The following DIP2B variants were observed in gnomAD, a reference collection of about 807,000 sequenced individuals.
DIP2B encodes the protein DIP2 acetate--CoA ligase B (putative).
In DIP2B, 76 loss-of-function variants were observed where a neutral mutation model predicts 198.0. The ratio of observed to expected loss-of-function variants is 0.38; its 90% CI spans 0.32 to 0.46. The LOEUF is 0.46. Among genes scored for constraint, DIP2B ranks in the 20% least tolerant of loss-of-function variants. The pLI, the probability that DIP2B is intolerant of heterozygous loss-of-function variation, is 0.99. For synonymous variants in DIP2B, 701 were observed against 739.1 expected (o/e 0.95, Z 0.84); for missense variants, 1,559 against 1,978.4 (o/e 0.79, Z 4.02).
chr12:50,594,461 G>A (rs562477998), intron 1 of DIP2B, among the ~76,000 whole-genome samples: 1 of 152,210 alleles, frequency 6.6e-6, no homozygotes, highest in Admixed American at 6.5e-5. Flanking sequence ...TATTGATGAG[G>A]CCTTTACAAG....
At chr12:50,620,541 A>T (rs965126595) in intron 1 of DIP2B, among the ~76,000 whole-genome samples, 10 of 152,154 alleles carry the variant, frequency 6.6e-5, no homozygotes, top group Non-Finnish European at 1.5e-4. Context: ...ACAAGGCTCT[A>T]TGCCTGCCTC....
At chr12:50,729,598 AG>A (rs1286805376) in intron 30 of DIP2B, among the ~76,000 whole-genome samples, 6 of 152,294 alleles carry the variant, frequency 3.9e-5, no homozygotes, top group Admixed American at 3.3e-4. Context: ...GAGACATGAT[AG>A]GAACTCTGTT....
In DIP2B at chr12:50,621,815, G is replaced by C. The variant is rs528185841; in HGVS notation, c.101-4161G>C. ...CTGTAGGCCTAGCATTGTAGTCCTCGCATTCTCACTGCAGCTCAGCTTCTT... is the reference window on the plus strand; with the variant it reads ...CTGTAGGCCTAGCATTGTAGTCCTCCCATTCTCACTGCAGCTCAGCTTCTT... On this transcript the variant is annotated intron_variant, in intron 1 of 37. Transcript: ENST00000301180. Among the ~76,000 whole-genome samples the C allele has an allele frequency of 2.8e-4, 42 of 152,152 alleles. 1 individual carries two copies. Among genetic ancestry groups the C allele is most frequent in the Admixed American group, 2.2e-3 (33 of 15,264 alleles).
At chr12:50,558,098 C>T (rs895512939) in intron 1 of DIP2B, among the ~76,000 whole-genome samples, 36 of 9,998 alleles carry the variant, frequency 3.6e-3, no homozygotes, top group East Asian at 0.17. Context: ...AGCGCGGTAG[C>T]GTCCTAAGCC....
chr12:50,529,605 T>C (rs1958197732), intron 1 of DIP2B, among the ~76,000 whole-genome samples: 1 of 152,198 alleles, frequency 6.6e-6, no homozygotes, highest in Non-Finnish European at 1.5e-5. Flanking sequence ...GGGTTGTGCC[T>C]TGTGGCCACA....
Position 50,718,970 on chromosome 12 carries a change from G to C in DIP2B, c.2977G>C (p.Glu993Gln), listed in dbSNP as rs532000455. 2 of 1,614,068 alleles carry C rather than the reference G, an allele frequency of 1.2e-6. No homozygotes were observed. The highest frequency in any genetic ancestry group is 1.3e-5 in the African/African-American group (1 of 74,914). ...DLVRKHQFLA[E>Q]ILQWRAQATP... is the part of the protein sequence containing the mutation. ...ATGACTTCAGCACCAGTTTCTGGCA[G>C]AGATCCTACAGTGGCGAGCCCAGGC... Residue 993 changes from glutamate (E) to glutamine (Q), a missense_variant, in exon 25 of 38, where the codon GAG becomes CAG. Transcript: ENST00000301180.
chr12:50,680,275 A>AC (rs1555192338), intron 8 of DIP2B: 1 of 153,590 alleles, frequency 6.5e-6, no homozygotes, highest in African/African-American at 2.4e-5. Flanking sequence ...AAAAAAAAAA[A>AC]AAAAAAACTT....
intron 1 of DIP2B, among the ~76,000 whole-genome samples, chr12:50,615,167 A>G (rs529923068): frequency 6.6e-6 from 1 of 152,338 alleles, no homozygotes; most frequent in East Asian, 1.9e-4. Flanking sequence ...TTAACACTAG[A>G]AACAGTTTTC....
chr12:50,512,924 T>C (rs1349083173), intron 1 of DIP2B, among the ~76,000 whole-genome samples: 1 of 152,136 alleles, frequency 6.6e-6, no homozygotes, highest in Admixed American at 6.6e-5. Flanking sequence ...GGAGAATTGC[T>C]TGAACCCGGG....
intron 1 of DIP2B, among the ~76,000 whole-genome samples, chr12:50,525,124 G>A (rs1433701509): frequency 6.6e-6 from 1 of 152,088 alleles, no homozygotes; most frequent in Non-Finnish European, 1.5e-5. Flanking sequence ...TTGGGAGGCC[G>A]AGGCGGGCAG....
Position 50,695,962 on chromosome 12 carries a change from A to G in DIP2B, c.1928A>G (p.Asn643Ser). The G allele has an allele frequency of 1.9e-6, 3 of 1,614,002 alleles. No individual in the cohort carries two copies. Among genetic ancestry groups the G allele is most frequent in the Non-Finnish European group, 2.5e-6 (3 of 1,179,910 alleles). Residue 643 changes from asparagine to serine, a missense_variant, in exon 16 of 38, where the codon AAC becomes AGC. Asn to Ser is a conservative substitution (Grantham distance 46). Transcript: ENST00000301180. ...ATGTTAATTGTGACTGATGGAGCTA[A>G]CCCCTGTGAGTATTTCTTCATTGTG... ...LRMLIVTDGA[N>S]PWSVSSCDAF...
At chr12:50,540,053 GTTTT>G (rs60978324) in intron 1 of DIP2B, among the ~76,000 whole-genome samples, 26 of 44,160 alleles carry the variant, frequency 5.9e-4, no homozygotes, top group African/African-American at 1.2e-3. Context: ...TTGTTTCTGT[GTTTT>G]TTTTTTTTTT....
intron 1 of DIP2B, among the ~76,000 whole-genome samples, chr12:50,531,156 C>T (rs1958213496): frequency 1.3e-5 from 2 of 152,344 alleles, no homozygotes; most frequent in Non-Finnish European, 1.5e-5. Context: ...CGCCATTCTC[C>T]TGCCTCAGCC....
In DIP2B at chr12:50,748,267, T is replaced by C. The variant is rs1272619951; in HGVS notation, c.*3428T>C. 6.6e-6 allele frequency: 1 copy of C among 152,326 alleles called. No individual in the cohort carries two copies. The highest frequency in any genetic ancestry group is 1.9e-4 in the East Asian group (1 of 5,198). 9.4% of individuals were successfully genotyped at this position (152,326 alleles called of 1,614,324 possible). A position where few individuals can be genotyped will look rare whatever the true frequency, so the allele number is the denominator to read the frequency against. Reference sequence around the variant, plus strand: ...CTCCAACAAGATCTATGCCTTAGTGTTGTTTTTGTTGTCTGCTTTGATGTA... The same window carrying C: ...CTCCAACAAGATCTATGCCTTAGTGCTGTTTTTGTTGTCTGCTTTGATGTA... On this transcript the variant is annotated 3_prime_UTR_variant, in exon 38 of 38. Transcript: ENST00000301180.
chr12:50,707,944 C>T (rs1028285049), intron 21 of DIP2B, among the ~76,000 whole-genome samples: 1 of 152,176 alleles, frequency 6.6e-6, no homozygotes, highest in African/African-American at 2.4e-5. Flanking sequence ...TTCCTCAAAC[C>T]TGCCAAGCTC....
At chr12:50,744,381 C>CATAT (rs145755814) in intron 37 of DIP2B, among the ~76,000 whole-genome samples, 3 of 150,868 alleles carry the variant, frequency 2.0e-5, no homozygotes, top group African/African-American at 7.3e-5. Flanking sequence ...AGATGTCTCT[C>CATAT]ATATATATAT....
In DIP2B at chr12:50,721,293, C is replaced by G; in HGVS notation, c.3063C>G (p.Ala1021=). Residue 1021 remains alanine, a synonymous_variant, in exon 26 of 38, where the codon GCC becomes GCG. Transcript: ENST00000301180. ...TAAAGGGAACCACTGTATGCACAGC[C>G]AGCTGCCTTCAGCTTCATAAGCGAG... ...LNAKGTTVCT[A]SCLQLHKRAE... 6.2e-7 allele frequency: 1 copy of G among 1,614,092 alleles called. No individual in the cohort carries two copies. The highest frequency in any genetic ancestry group is 8.5e-7 in the Non-Finnish European group (1 of 1,179,992).
chr12:50,610,260 C>T (rs1959019948), intron 1 of DIP2B, among the ~76,000 whole-genome samples: 1 of 152,058 alleles, frequency 6.6e-6, no homozygotes, highest in Non-Finnish European at 1.5e-5. Context: ...GGAGTGATGG[C>T]AGGCAAAGAA....
chr12:50,642,770 C>G (rs1245163038), intron 3 of DIP2B, among the ~76,000 whole-genome samples: 1 of 152,096 alleles, frequency 6.6e-6, no homozygotes, highest in East Asian at 1.9e-4. Context: ...GCCTGGGCGA[C>G]TGAGCGAGAC....
Sources: gnomAD v4.1 joint callset for allele counts (sites outside exome capture counted in the v4.1 genomes callset) on GRCh38, gnomAD v4.1.1 for gene constraint, MANE v1.5 for transcripts, NCBI Gene and HGNC (gene_info 2026-07-23, HGNC 2026-07-21) for gene names.